ZFP64: variants seen among roughly 807,000 people sequenced by gnomAD.
ZFP64 encodes the protein ZFP64 zinc finger protein.
ZFP64 carries 14 observed loss-of-function variants against 51.6 expected under a neutral mutation model. The ratio of observed to expected loss-of-function variants is 0.27; its 90% CI spans 0.18 to 0.42. The LOEUF is 0.42. Ranked by LOEUF, ZFP64 falls within the 10% of genes least tolerant of loss-of-function variation. ZFP64 has a pLI of 1.00. For synonymous variants in ZFP64, 375 were observed against 361.4 expected (o/e 1.04, Z -0.43); for missense variants, 754 against 906.8 (o/e 0.83, Z 2.16).
At chr20:52,110,558 T>C in intron 5 of ZFP64, 1 of 721,880 alleles carries the variant, frequency 1.4e-6, no homozygotes, top group Non-Finnish European at 2.5e-6. Flanking sequence ...TCCTTCACAC[T>C]TGAGAGGTGG....
chr20:52,174,482 C>CA (rs386393988), intron 2 of ZFP64, among the ~76,000 whole-genome samples: 1,144 of 55,292 alleles, frequency 0.021, 27 homozygotes, highest in African/African-American at 0.043. Flanking sequence ...GGCTCCATCT[C>CA]AAAAAAAAAA....
At chr20:52,132,409 G>A (rs1042922738) in intron 5 of ZFP64, among the ~76,000 whole-genome samples, 6 of 150,040 alleles carry the variant, frequency 4.0e-5, no homozygotes, top group Non-Finnish European at 8.9e-5. Context: ...TAATACAAAA[G>A]GTCAATGAAA....
At chr20:52,096,081 A>G (rs895549309) in intron 7 of ZFP64, among the ~76,000 whole-genome samples, 4 of 152,162 alleles carry the variant, frequency 2.6e-5, no homozygotes, top group South Asian at 2.1e-4. Flanking sequence ...GTGGCCCTCT[A>G]TTATAGCACA....
intron 7 of ZFP64, chr20:52,088,863 G>C: frequency 1.4e-6 from 1 of 697,802 alleles, no homozygotes; most frequent in Non-Finnish European, 2.4e-6. Context: ...ATAAAAATCT[G>C]ATTGATGGAG....
chr20:52,115,470 C>T (rs771951002), intron 5 of ZFP64, among the ~76,000 whole-genome samples: 23 of 148,156 alleles, frequency 1.6e-4, no homozygotes, highest in Admixed American at 2.7e-4. Context: ...GCTGGAGTGC[C>T]GTGGCATGAT....
At chr20:52,087,057 TA>T (rs1191270339) in intron 8 of ZFP64, among the ~76,000 whole-genome samples, 2 of 152,178 alleles carry the variant, frequency 1.3e-5, no homozygotes, top group Non-Finnish European at 2.9e-5. Context: ...TGGCTGGGTA[TA>T]GAATTCTAAG....
chr20:52,110,767 C>G (rs777259061), intron 5 of ZFP64: 61 of 1,596,270 alleles, frequency 3.8e-5, no homozygotes, highest in Non-Finnish European at 5.2e-5. Flanking sequence ...GTCCCCCTCC[C>G]GGGAGAGGTA....
chr20:52,157,749 C>T (rs1263425929), intron 5 of ZFP64, among the ~76,000 whole-genome samples: 1 of 152,178 alleles, frequency 6.6e-6, no homozygotes, highest in Non-Finnish European at 1.5e-5. Context: ...TACACACGTG[C>T]CATGGTGGTT....
At chr20:52,175,861 G>GGCCCCC in intron 2 of ZFP64, 15 of 238,630 alleles carry the variant, frequency 6.3e-5, no homozygotes, top group Non-Finnish European at 8.5e-5. Flanking sequence ...CACCCCCGCT[G>GGCCCCC]CCGCCCCCGC....
chr20:52,109,780 C>CAAAAA (rs779914417), intron 5 of ZFP64, among the ~76,000 whole-genome samples: 1 of 46,078 alleles, frequency 2.2e-5, no homozygotes, highest in African/African-American at 7.5e-5. Flanking sequence ...AATTCCACCT[C>CAAAAA]AAAAAAAAAA....
At chr20:52,098,212 A>G (rs921793425) in intron 6 of ZFP64, among the ~76,000 whole-genome samples, 14 of 149,212 alleles carry the variant, frequency 9.4e-5, no homozygotes, top group African/African-American at 3.2e-4. Context: ...GTATAACCTC[A>G]GGGTGGAAGC....
At chr20:52,102,403 A>T (rs1191123866) in intron 5 of ZFP64, among the ~76,000 whole-genome samples, 1 of 151,978 alleles carries the variant, frequency 6.6e-6, no homozygotes, top group African/African-American at 2.4e-5. Flanking sequence ...CTGGTCTGGG[A>T]ACCATACTTT....
At chr20:52,112,068 C>T (rs1032763718) in intron 5 of ZFP64, among the ~76,000 whole-genome samples, 11 of 131,204 alleles carry the variant, frequency 8.4e-5, no homozygotes, top group Admixed American at 1.8e-4. Flanking sequence ...GGCAACAGAG[C>T]GAGACTCTAT....
chr20:52,084,449 G>C, exon 9 of ZFP64: 1 of 1,140,646 alleles, frequency 8.8e-7, no homozygotes, highest in Non-Finnish European at 1.2e-6. Context: ...GGAGCGGCCA[G>C]CCCCAGAAGT....
In ZFP64 at chr20:52,085,118, C is replaced by T. The variant is rs1382771275; in HGVS notation, c.1377G>A (p.Ser459=). The T allele has an allele frequency of 1.9e-6, 3 of 1,614,108 alleles. No homozygotes were observed. Among genetic ancestry groups the T allele is most frequent in the African/African-American group, 1.3e-5 (1 of 74,936 alleles). ...TGAAGGTGTGCTTGATGCGGATGTG[C>T]GATTTGAGATTCGCCTTCATGGTGC... Residue 459 remains serine (S), a synonymous_variant, in exon 9 of 9, where the codon TCG becomes TCA. Coordinates refer to the ZFP64 transcript ENST00000361387. The surrounding 1 kb of genome is among the most constrained non-coding windows in gnomAD (Gnocchi z 4.3).
intron 5 of ZFP64, among the ~76,000 whole-genome samples, chr20:52,122,609 G>T (rs1979249110): frequency 6.6e-6 from 1 of 152,120 alleles, no homozygotes; most frequent in South Asian, 2.1e-4. Context: ...CTTCTGGAGA[G>T]GATTCACCAT....
chr20:52,149,197 T>C (rs1568677133), downstream of ZFP64, among the ~76,000 whole-genome samples: 1 of 151,828 alleles, frequency 6.6e-6, no homozygotes. Flanking sequence ...AGACTATCAT[T>C]GTGAAAATTA....
Position 52,152,760 on chromosome 20 carries a change from C to G in ZFP64, c.1432G>C (p.Gly478Arg). 1 of 1,597,128 alleles carries G rather than the reference C, an allele frequency of 6.3e-7. No individual in the cohort carries two copies. Among genetic ancestry groups the G allele is most frequent in the Non-Finnish European group, 8.6e-7 (1 of 1,169,496 alleles). Reference sequence around the variant, plus strand: ...GGCTGGAGGGGCACCTGGAGGTGTCCCACAGTGAGGGGCGTGGCGGGCTGC... The same window carrying G: ...GGCTGGAGGGGCACCTGGAGGTGTCGCACAGTGAGGGGCGTGGCGGGCTGC... ...SKQPATPLTV[G>R]HLQVPLQPSQ... is the part of the protein sequence containing the mutation. Residue 478 changes from glycine to arginine, a missense_variant, in exon 6 of 6, where the codon GGA becomes CGA. Transcript: ENST00000216923.
At chr20:52,149,047 G>A (rs1980662624), downstream of ZFP64, among the ~76,000 whole-genome samples, 1 of 152,088 alleles carries the variant, frequency 6.6e-6, no homozygotes, top group African/African-American at 2.4e-5. Flanking sequence ...AAGCACACAT[G>A]GTCAACCAGC....
Sources: allele counts gnomAD v4.1 joint callset (sites outside exome capture counted in the v4.1 genomes callset), GRCh38; gene constraint gnomAD v4.1.1; non-coding constraint Gnocchi (gnomAD v3.1); transcripts MANE v1.5; gene names NCBI Gene and HGNC (gene_info 2026-07-23, HGNC 2026-07-21).